The following ZNF638 variants were observed in gnomAD, a reference collection of about 807,000 sequenced individuals.
ZNF638 encodes zinc finger protein 638, also known as CTCL tumor antigen se33-1.
In ZNF638, 46 loss-of-function variants were observed where a neutral mutation model predicts 195.6. That is an observed-to-expected ratio of 0.24 (90% CI 0.19 to 0.30). The LOEUF (loss-of-function observed/expected upper bound fraction) is 0.30. Among genes scored for constraint, ZNF638 ranks in the 10% least tolerant of loss-of-function variants. The probability of loss-of-function intolerance (pLI) is 1.00; values close to 1 mark genes in which losing one functional copy is unlikely to be tolerated. For missense variants in ZNF638, 2,440 were observed against 2,325.3 expected (o/e 1.05, Z -1.01); for synonymous variants, 845 against 772.0 (o/e 1.09, Z -1.57).
chr2:71,368,320 T>A (rs901427679), intron 6 of ZNF638, 62 bp from the exon 7 acceptor site: 179 of 1,465,420 alleles, frequency 1.2e-4, no homozygotes, highest in Non-Finnish European at 1.6e-4. Context: ...ATATAGGAAA[T>A]TATTACTGTA....
intron 8 of ZNF638, chr2:71,379,590 A>C (rs1032421169): frequency 2.6e-5 from 4 of 152,204 alleles, no homozygotes; most frequent in Non-Finnish European, 5.9e-5. Flanking sequence ...AGAGAAGGGG[A>C]AAAATGTTTC....
intron 20 of ZNF638, 152 bp downstream of exon 20, chr2:71,408,399 G>A (rs2080147589): frequency 9.8e-7 from 1 of 1,016,128 alleles, no homozygotes; most frequent in Non-Finnish European, 1.4e-6. Flanking sequence ...AGTTTATAAA[G>A]CAGTATAAAT....
intron 8 of ZNF638, among the ~76,000 whole-genome samples, chr2:71,377,228 A>G (rs4852779): frequency 6.6e-6 from 1 of 151,952 alleles, no homozygotes; most frequent in Non-Finnish European, 1.5e-5. Flanking sequence ...GTGAGACCCT[A>G]TCTCAACAAA....
chr2:71,336,475 A>G (rs1435152188), intron 1 of ZNF638, among the ~76,000 whole-genome samples: 1 of 152,148 alleles, frequency 6.6e-6, no homozygotes, highest in East Asian at 1.9e-4. Flanking sequence ...AGGTGGATGT[A>G]AGCAATTAAC....
chr2:71,365,468 G>A lies in ZNF638; in HGVS notation c.1757G>A (p.Gly586Glu), dbSNP rs932200940. Residue 586 changes from glycine (G) to glutamate (E), a missense_variant, in exon 6 of 28, where the codon GGG becomes GAG. By Grantham distance (98) the Gly-to-Glu change is moderately conservative. Around this residue, in one of 5 missense-constraint regions of ZNF638, gnomAD observed 1,883 missense variants for 1,739.1 expected, o/e 1.08. Coordinates refer to ENST00000264447, the MANE Select transcript of ZNF638 (RefSeq NM_014497.5). ...TTAGAAGATGTAGTACAACGATCTG[G>A]GCATGGGACAGAATTTAATAAACAG... Reference protein sequence around the residue: ...KALEDVVQRSGHGTEFNKQKH... With the variant: ...KALEDVVQRSEHGTEFNKQKH... The A allele has an allele frequency of 6.2e-7, 1 of 1,613,638 alleles. No individual in the cohort carries two copies. The highest frequency in any genetic ancestry group is 1.7e-4 in the Middle Eastern group (1 of 6,060).
intron 20 of ZNF638, among the ~76,000 whole-genome samples, chr2:71,410,523 TTATC>T (rs1229031357): frequency 6.6e-6 from 1 of 152,116 alleles, no homozygotes; most frequent in East Asian, 1.9e-4. Context: ...AAACTAATAT[TTATC>T]TAATTCCTTT....
chr2:71,345,578 C>G (rs1346775361), intron 1 of ZNF638, among the ~76,000 whole-genome samples: 2 of 152,132 alleles, frequency 1.3e-5, no homozygotes, highest in Non-Finnish European at 2.9e-5. Context: ...GATGAGGTCT[C>G]ACCATGTTGC....
At chr2:71,357,635 A>G (rs2079045098) in intron 3 of ZNF638, among the ~76,000 whole-genome samples, 1 of 152,208 alleles carries the variant, frequency 6.6e-6, no homozygotes, top group Non-Finnish European at 1.5e-5. Flanking sequence ...AACAGCATGT[A>G]TATATCTATT....
intron 10 of ZNF638, among the ~76,000 whole-genome samples, chr2:71,386,249 G>A (rs987271390): frequency 1.5e-4 from 21 of 140,292 alleles, no homozygotes; most frequent in African/African-American, 4.3e-4. Context: ...AACTGTGATC[G>A]TGCTACTGTA....
chr2:71,349,655 C>T lies in ZNF638; in HGVS notation c.701C>T (p.Pro234Leu). The T allele has an allele frequency of 6.2e-7, 1 of 1,614,178 alleles. No individual in the cohort carries two copies. The highest frequency in any genetic ancestry group is 2.2e-5 in the East Asian group (1 of 44,886). Residue 234 changes from proline (P) to leucine (L), a missense_variant, in exon 2 of 28, where the codon CCA (proline) becomes CTA (leucine). By Grantham distance (98) the Pro-to-Leu change is moderately conservative (BLOSUM62 -3). Around this residue, in one of 5 missense-constraint regions of ZNF638, gnomAD observed 305 missense variants for 283.6 expected, o/e 1.08. Transcript: ENST00000264447. ...LEVRIYDPEI[P>L]TDEVENEFQS... ...GTACGTATTTATGATCCTGAAATTC[C>T]AACTGATGAGGTCGAGAATGAATTT...
chr2:71,335,665 T>A (rs2078653594), intron 1 of ZNF638, among the ~76,000 whole-genome samples: 1 of 152,234 alleles, frequency 6.6e-6, no homozygotes, highest in African/African-American at 2.4e-5. Context: ...GTCAGTCTTG[T>A]TTCATCTCTA....
intron 10 of ZNF638, chr2:71,395,348 AG>A: frequency 5.6e-6 from 4 of 714,226 alleles, no homozygotes; most frequent in Non-Finnish European, 7.8e-6. Context: ...AAAAAACAAA[AG>A]GGGGAGATGT....
intron 3 of ZNF638, among the ~76,000 whole-genome samples, chr2:71,357,801 T>TA (rs1337595588): frequency 6.6e-6 from 1 of 152,200 alleles, no homozygotes; most frequent in African/African-American, 2.4e-5. Context: ...ATAGGGGAGA[T>TA]ATATATAAAT....
At chr2:71,338,519 T>G (rs145069528) in intron 1 of ZNF638, among the ~76,000 whole-genome samples, 1 of 152,220 alleles carries the variant, frequency 6.6e-6, no homozygotes, top group South Asian at 2.1e-4. Context: ...CTCAAACTTA[T>G]GATGTATCTA....
At chr2:71,394,002 G>C (rs990210316) in intron 10 of ZNF638, among the ~76,000 whole-genome samples, 15 of 152,184 alleles carry the variant, frequency 9.9e-5, no homozygotes, top group African/African-American at 3.6e-4. Flanking sequence ...CTCAAACCGG[G>C]CAAGGCAATC....
intron 27 of ZNF638, among the ~76,000 whole-genome samples, chr2:71,434,240 G>A (rs2080722167): frequency 3.9e-5 from 6 of 152,064 alleles, no homozygotes; most frequent in South Asian, 4.1e-4. Context: ...GAGACCCATT[G>A]CTGCCTTTGC....
chr2:71,381,688 G>A (rs776190615), intron 10 of ZNF638, among the ~76,000 whole-genome samples: 2 of 151,966 alleles, frequency 1.3e-5, no homozygotes, highest in African/African-American at 2.4e-5. Flanking sequence ...AAAGGTTTGG[G>A]GTGTGTGTTA....
chr2:71,373,268 T>G (rs1426031060), intron 8 of ZNF638, among the ~76,000 whole-genome samples: 1 of 151,136 alleles, frequency 6.6e-6, no homozygotes, highest in Non-Finnish European at 1.5e-5. Context: ...ATTAACTGTT[T>G]AAGTGAGTTG....
rs1337150446 is a variant in ZNF638, at chr2:71,369,910, G to A, written c.2170G>A (p.Ala724Thr). The A allele has an allele frequency of 1.9e-6, 3 of 1,588,622 alleles. No individual in the cohort carries two copies. The highest frequency in any genetic ancestry group is 1.4e-5 in the African/African-American group (1 of 73,392). Reference protein sequence around the residue: ...EAYLEMEFKEAITAIMKYIET... With the variant: ...EAYLEMEFKETITAIMKYIET... Reference sequence around the variant, plus strand: ...TTACCTAGAAATGGAATTTAAAGAGGCAATTACTGCAATTATGAAGTACAT... The same window carrying A: ...TTACCTAGAAATGGAATTTAAAGAGACAATTACTGCAATTATGAAGTACAT... The change falls in exon 8 of 28, where the codon GCA becomes ACA. Residue 724 changes from alanine to threonine, a missense_variant. By Grantham distance (58) the Ala-to-Thr change is moderately conservative. Transcript: ENST00000264447.
Sources: gnomAD v4.1 joint callset for allele counts (sites outside exome capture counted in the v4.1 genomes callset) on GRCh38, gnomAD v4.1.1 for gene constraint, gnomAD v4.1.1 regional missense constraint, MANE v1.5 for transcripts, NCBI Gene and HGNC (gene_info 2026-07-23, HGNC 2026-07-21) for gene names.